The following LRP1B variants were observed in gnomAD, a reference collection of about 807,000 sequenced individuals.
LRP1B encodes the protein low-density lipoprotein receptor-related protein 1B.
A neutral mutation model predicts 556.6 loss-of-function variants in LRP1B; 217 were observed. That is an observed-to-expected ratio of 0.39 (90% CI 0.35 to 0.44). The LOEUF is 0.44. Among genes scored for constraint, LRP1B ranks in the 20% least tolerant of loss-of-function variants. The pLI is 1.00. For synonymous variants in LRP1B, 2,047 were observed against 1,865.8 expected, an observed-to-expected ratio of 1.10 and a Z score of -2.50; for missense variants, 5,053 against 5,620.8, an observed-to-expected ratio of 0.90 and a Z score of 3.23.
chr2:141,064,737 T>A (rs187684658), intron 7 of LRP1B, among the ~76,000 whole-genome samples: 1 of 152,062 alleles, frequency 6.6e-6, no homozygotes, highest in Admixed American at 6.6e-5. Context: ...ACCCTAAAAT[T>A]TCCTGTTACA....
At chr2:141,053,195 G>C (rs984284972) in intron 10 of LRP1B, among the ~76,000 whole-genome samples, 4 of 151,862 alleles carry the variant, frequency 2.6e-5, no homozygotes, top group Admixed American at 6.6e-5. Flanking sequence ...TATAGCCAAG[G>C]GTAGTGGATT....
chr2:141,404,635 T>C (rs1210946671), intron 3 of LRP1B, among the ~76,000 whole-genome samples: 1 of 152,204 alleles, frequency 6.6e-6, no homozygotes, highest in Non-Finnish European at 1.5e-5. Flanking sequence ...TTCTAGGTTA[T>C]CATCCAATGG....
At chr2:141,878,140 A>C (rs1698829709) in intron 1 of LRP1B, among the ~76,000 whole-genome samples, 1 of 151,930 alleles carries the variant, frequency 6.6e-6, no homozygotes, top group Non-Finnish European at 1.5e-5. Flanking sequence ...ACATAGAAAG[A>C]CTTTTTTTTT....
chr2:140,854,488 A>C (rs1327442156), intron 27 of LRP1B, among the ~76,000 whole-genome samples: 1 of 152,186 alleles, frequency 6.6e-6, no homozygotes, highest in African/African-American at 2.4e-5. Context: ...CTCACTTTCA[A>C]GGATTTAACA....
chr2:140,697,300 T>A (rs1686465059), intron 41 of LRP1B, among the ~76,000 whole-genome samples: 1 of 152,150 alleles, frequency 6.6e-6, no homozygotes, highest in African/African-American at 2.4e-5. Flanking sequence ...TCCTAGGGCA[T>A]CTTTGCCTTC....
intron 41 of LRP1B, among the ~76,000 whole-genome samples, chr2:140,660,580 C>T (rs1480940694): frequency 6.6e-6 from 1 of 152,110 alleles, no homozygotes; most frequent in African/African-American, 2.4e-5. Context: ...CTGATCTGGA[C>T]CAGGACTTTC....
intron 29 of LRP1B, among the ~76,000 whole-genome samples, chr2:140,845,078 A>G (rs1470443496): frequency 2.0e-5 from 3 of 152,212 alleles, no homozygotes; most frequent in African/African-American, 7.2e-5. Context: ...AAAGGAGAAC[A>G]ATTAAAAAAT....
At chr2:140,272,565 A>G (rs951996367) in intron 85 of LRP1B, among the ~76,000 whole-genome samples, 1 of 151,992 alleles carries the variant, frequency 6.6e-6, no homozygotes. Context: ...GCCTATTTGT[A>G]ATAACAAATA....
At chr2:141,059,128 T>C in intron 8 of LRP1B, 74 bp from the exon 9 acceptor site, 1 of 962,494 alleles carries the variant, frequency 1.0e-6, no homozygotes, top group Non-Finnish European at 1.5e-6. Context: ...CTGATTGCTA[T>C]TTACTAGTAT....
intron 1 of LRP1B, among the ~76,000 whole-genome samples, chr2:141,997,444 TACACACAC>T (rs148682019): frequency 0.61 from 83,021 of 136,756 alleles, 25,318 homozygotes; most frequent in Admixed American, 0.66. Flanking sequence ...TGTGTGTATA[TACACACAC>T]ACACACACAC....
At chr2:140,813,850 A>C (rs1691013029) in intron 31 of LRP1B, 44 bp from the exon 32 acceptor site, 1 of 1,402,836 alleles carries the variant, frequency 7.1e-7, no homozygotes, top group African/African-American at 1.4e-5. Context: ...TAGCCACTTA[A>C]ATTGTAATAT....
intron 6 of LRP1B, 123 bp downstream of exon 6, chr2:141,229,060 T>C: frequency 2.2e-6 from 2 of 905,936 alleles, no homozygotes; most frequent in East Asian, 2.4e-5. Flanking sequence ...TTCAAGTTCA[T>C]TGTATTTGCA....
At chr2:140,521,744 A>T (rs1690184353) in intron 49 of LRP1B, among the ~76,000 whole-genome samples, 2 of 152,244 alleles carry the variant, frequency 1.3e-5, no homozygotes, top group South Asian at 4.1e-4. Flanking sequence ...TGGATAAAAA[A>T]GCAAAACCTA....
chr2:140,365,701 A>C (rs752189787), intron 71 of LRP1B, among the ~76,000 whole-genome samples: 1 of 151,686 alleles, frequency 6.6e-6, no homozygotes, highest in Non-Finnish European at 1.5e-5. Flanking sequence ...TAGATATCAC[A>C]GTATAGAATT....
At chr2:140,706,866 G>GA (rs1186552564) in intron 37 of LRP1B, among the ~76,000 whole-genome samples, 1 of 151,288 alleles carries the variant, frequency 6.6e-6, no homozygotes, top group Non-Finnish European at 1.5e-5. Context: ...TACTCAACCT[G>GA]AAAAAATACA....
At chr2:142,041,658 A>G (rs139364397) in intron 1 of LRP1B, among the ~76,000 whole-genome samples, 1 of 151,624 alleles carries the variant, frequency 6.6e-6, no homozygotes, top group African/African-American at 2.4e-5. Flanking sequence ...GGAATTGAAG[A>G]GCTTTAAGAA....
chr2:141,050,112 A>T (rs991989784), intron 10 of LRP1B, among the ~76,000 whole-genome samples: 2 of 151,956 alleles, frequency 1.3e-5, no homozygotes, highest in Non-Finnish European at 2.9e-5. Context: ...AAAACTGAAG[A>T]TACAAAAGAC....
chr2:140,891,391 A>G (rs1325448816), intron 23 of LRP1B, among the ~76,000 whole-genome samples: 1 of 152,156 alleles, frequency 6.6e-6, no homozygotes, highest in Non-Finnish European at 1.5e-5. Flanking sequence ...TTACAACCAT[A>G]CAACTAGCAA....
chr2:141,461,243 G>C (rs181074495), intron 3 of LRP1B, among the ~76,000 whole-genome samples: 3 of 152,232 alleles, frequency 2.0e-5, no homozygotes, highest in Admixed American at 6.5e-5. Flanking sequence ...TTCCCGAAAG[G>C]CAAGTGAAGG....
Sources: allele counts gnomAD v4.1 joint callset (sites outside exome capture counted in the v4.1 genomes callset), GRCh38; gene constraint gnomAD v4.1.1; transcripts MANE v1.5; gene names NCBI Gene and HGNC (gene_info 2026-07-23, HGNC 2026-07-21).